The following FANK1 variants were observed in gnomAD, a reference collection of about 807,000 sequenced individuals.
FANK1 encodes fibronectin type 3 and ankyrin repeat domains protein 1.
FANK1 carries 44 observed loss-of-function variants against 45.3 expected under a neutral mutation model. That is an observed-to-expected ratio of 0.97 (90% confidence interval 0.76 to 1.25). The LOEUF (loss-of-function observed/expected upper bound fraction) is 1.25, where lower values mean the gene tolerates loss of function less well. FANK1 is among the 50% of genes most tolerant of loss of function. FANK1 has a pLI of 0.00. For synonymous variants in FANK1, 149 were observed against 152.5 expected, an observed-to-expected ratio of 0.98 and a Z score of 0.17; for missense variants, 391 against 424.4, an observed-to-expected ratio of 0.92 and a Z score of 0.69.
chr10:125,974,466 T>A (rs1219460504), intron 1 of FANK1, among the ~76,000 whole-genome samples: 1 of 152,154 alleles, frequency 6.6e-6, no homozygotes, highest in Non-Finnish European at 1.5e-5. Flanking sequence ...CAGGGAGAAG[T>A]TTCAAAGGAA....
chr10:125,913,546 CT>C (rs1564864032), intron 1 of FANK1, among the ~76,000 whole-genome samples: 1 of 152,206 alleles, frequency 6.6e-6, no homozygotes, highest in African/African-American at 2.4e-5. Flanking sequence ...TAAAAGTTCT[CT>C]GATAAGTCAT....
At chr10:125,959,069 C>T (rs1269277424) in intron 1 of FANK1, among the ~76,000 whole-genome samples, 1 of 152,134 alleles carries the variant, frequency 6.6e-6, no homozygotes, top group Non-Finnish European at 1.5e-5. Context: ...TAACTATTTA[C>T]AATGTTCTTC....
intron 5 of FANK1, 118 bp downstream of exon 5, chr10:125,996,742 T>C: frequency 2.2e-6 from 2 of 916,346 alleles, no homozygotes; most frequent in Middle Eastern, 2.6e-4. Context: ...GTTTCTTTTC[T>C]ATCTCCCAAA....
intron 1 of FANK1, among the ~76,000 whole-genome samples, chr10:125,953,047 G>A (rs1464027729): frequency 6.6e-6 from 1 of 152,148 alleles, no homozygotes; most frequent in East Asian, 1.9e-4. Flanking sequence ...AGACTTGCAT[G>A]TGCATTGGAA....
At chr10:125,955,668 C>T (rs140264512) in intron 1 of FANK1, among the ~76,000 whole-genome samples, 288 of 152,220 alleles carry the variant, frequency 1.9e-3, no homozygotes, top group African/African-American at 5.9e-3. Context: ...AGCAGATTTT[C>T]GCCATGTTTC....
chr10:125,910,413 A>G (rs1945898050), intron 1 of FANK1, among the ~76,000 whole-genome samples: 1 of 152,188 alleles, frequency 6.6e-6, no homozygotes, highest in Admixed American at 6.5e-5. Context: ...ATGTTAGTGA[A>G]AAGTCTCATT....
At chr10:126,009,032 C>T (rs1363692025) in intron 8 of FANK1, 22 bp from the exon 9 acceptor site, 5 of 1,612,376 alleles carry the variant, frequency 3.1e-6, no homozygotes, top group Non-Finnish European at 4.2e-6. Flanking sequence ...TCATGCACAC[C>T]ACCCTGGGTT....
chr10:125,950,776 A>G (rs1479588845), intron 1 of FANK1, among the ~76,000 whole-genome samples: 2 of 149,846 alleles, frequency 1.3e-5, no homozygotes, highest in Non-Finnish European at 3.0e-5. Flanking sequence ...TCATGCTGCT[A>G]TAAAGACACA....
rs1301356599 is a variant in FANK1, at chr10:126,008,419, G to C, written c.718G>C (p.Asp240His). 1.9e-6 allele frequency: 3 copies of C among 1,604,200 alleles called. No individual in the cohort carries two copies. Among genetic ancestry groups the C allele is most frequent in the Non-Finnish European group, 2.6e-6 (3 of 1,176,222 alleles). ...IKDGCEVDVV[D>H]TGSGWTPLMR... ...TCTGGCCCAACAGGTAGACGTCGTG[G>C]ACACTGGTTCAGGATGGACCCCACT... is the stretch of plus-strand genomic sequence containing the variant. Residue 240 changes from aspartate (D) to histidine (H), a missense_variant, in exon 8 of 11, where the codon GAC becomes CAC. Transcript: ENST00000368693.
intron 1 of FANK1, among the ~76,000 whole-genome samples, chr10:125,926,779 C>A (rs75405743): frequency 6.6e-6 from 1 of 150,842 alleles, no homozygotes; most frequent in Non-Finnish European, 1.5e-5. Context: ...TTTCTTCCTG[C>A]CTGAAATCTT....
intron 6 of FANK1, among the ~76,000 whole-genome samples, chr10:125,997,824 C>G (rs781069992): frequency 6.6e-6 from 1 of 152,246 alleles, no homozygotes. Context: ...GCGCCTGCCC[C>G]TGGCACCCCG....
chr10:125,994,503 G>A, intron 3 of FANK1: 1 of 985,384 alleles, frequency 1.0e-6, no homozygotes, highest in African/African-American at 1.7e-5. Context: ...TGGTGGGGCT[G>A]TATCCACTGA....
chr10:125,932,180 C>A (rs1013063959), intron 1 of FANK1, among the ~76,000 whole-genome samples: 3 of 152,016 alleles, frequency 2.0e-5, no homozygotes, highest in African/African-American at 7.2e-5. Context: ...TTTGGCTCTG[C>A]GGGCTCTTTT....
At chr10:125,975,483 T>C (rs1341620519) in intron 1 of FANK1, among the ~76,000 whole-genome samples, 1 of 152,232 alleles carries the variant, frequency 6.6e-6, no homozygotes, top group Non-Finnish European at 1.5e-5. Flanking sequence ...GTTCCCTTTG[T>C]GACCTTGCCA....
At chr10:125,937,623 A>G (rs1455543954) in intron 1 of FANK1, among the ~76,000 whole-genome samples, 1 of 152,196 alleles carries the variant, frequency 6.6e-6, no homozygotes, top group African/African-American at 2.4e-5. Flanking sequence ...AAAAATAAAT[A>G]GGATGATCTC....
At chr10:126,007,049 T>C (rs1314545569) in intron 7 of FANK1, 1 of 152,256 alleles carries the variant, frequency 6.6e-6, no homozygotes, top group Non-Finnish European at 1.5e-5. Context: ...TTACTATAGA[T>C]TTCCACATGA....
chr10:125,971,886 T>C (rs987656711), intron 1 of FANK1, among the ~76,000 whole-genome samples: 10 of 152,190 alleles, frequency 6.6e-5, no homozygotes, highest in South Asian at 2.1e-4. Context: ...CCTCCGAAAG[T>C]AAAGTGCTGG....
At chr10:125,958,279 TG>T (rs781199831) in intron 1 of FANK1, among the ~76,000 whole-genome samples, 1 of 152,202 alleles carries the variant, frequency 6.6e-6, no homozygotes, top group Non-Finnish European at 1.5e-5. Flanking sequence ...TTTTAGCTTC[TG>T]TATTAGTCTG....
At chr10:125,987,438 G>A (rs1951638776) in intron 2 of FANK1, among the ~76,000 whole-genome samples, 1 of 151,896 alleles carries the variant, frequency 6.6e-6, no homozygotes, top group South Asian at 2.1e-4. Flanking sequence ...TGGTAACCTT[G>A]GCATCTAAGG....
Sources: allele counts gnomAD v4.1 joint callset (sites outside exome capture counted in the v4.1 genomes callset), GRCh38; gene constraint gnomAD v4.1.1; transcripts MANE v1.5; gene names NCBI Gene and HGNC (gene_info 2026-07-23, HGNC 2026-07-21).